RAB14: variants seen among roughly 807,000 people sequenced by gnomAD.
RAB14 encodes ras-related protein Rab-14.
In RAB14, 3 loss-of-function variants were observed where a neutral mutation model predicts 31.1. The observed-to-expected ratio is 0.10, with a 90% CI of 0.04 to 0.25. The LOEUF (loss-of-function observed/expected upper bound fraction) is 0.25, where lower values mean the gene tolerates loss of function less well. RAB14 is among the 10% of genes least tolerant of loss of function. RAB14 has a pLI of 1.00. For synonymous variants in RAB14, 85 were observed against 84.9 expected (o/e 1.00, Z 0.00); for missense variants, 111 against 260.1 (o/e 0.43, Z 3.94).
At chr9:121,182,823 T>C in intron 7 of RAB14, 107 bp downstream of exon 7, 3 of 746,100 alleles carry the variant, frequency 4.0e-6, no homozygotes, top group Non-Finnish European at 6.0e-6. Flanking sequence ...TACACATTTA[T>C]AGATAGTACT....
At chr9:121,193,050 C>T (rs1258072626) in intron 2 of RAB14, among the ~76,000 whole-genome samples, 2 of 152,104 alleles carry the variant, frequency 1.3e-5, no homozygotes, top group African/African-American at 2.4e-5. Context: ...AGAGCTTTCA[C>T]AGTATTTTAG....
intron 3 of RAB14, among the ~76,000 whole-genome samples, chr9:121,191,685 C>T (rs910506887): frequency 1.3e-5 from 2 of 152,104 alleles, no homozygotes; most frequent in Non-Finnish European, 2.9e-5. Context: ...GTAAGCAGCA[C>T]AAAAATGTCA....
Position 121,181,327 on chromosome 9 carries a change from G to C in RAB14, c.*69C>G. 1 of 1,383,094 alleles carries C rather than the reference G, an allele frequency of 7.2e-7. No homozygotes were observed. Among genetic ancestry groups the C allele is most frequent in the South Asian group, 1.6e-5 (1 of 60,934 alleles). 85.7% of individuals were successfully genotyped at this position (1,383,094 alleles called of 1,614,324 possible). A position where few individuals can be genotyped will look rare whatever the true frequency, so the allele number is the denominator to read the frequency against. ...AGTAAGATGTACAGAAGACAATGAG[G>C]CAGTAAAAAGTACTGCTTCCAACAG... On this transcript the variant is annotated 3_prime_UTR_variant, in exon 8 of 8. Coordinates refer to ENST00000373840, the MANE Select transcript of RAB14 (RefSeq NM_016322.4).
intron 1 of RAB14, among the ~76,000 whole-genome samples, chr9:121,198,694 A>G: frequency 6.6e-6 from 1 of 152,180 alleles, no homozygotes; most frequent in East Asian, 1.9e-4. Context: ...AGTATCTACT[A>G]AGCACAAAGC....
rs1235502018 is a variant in RAB14 at position 121,201,858 on chromosome 9, C to G, written c.-227G>C. 1 of 152,446 alleles carries G rather than the reference C, an allele frequency of 6.6e-6. No individual in the cohort carries two copies. The highest frequency in any genetic ancestry group is 1.5e-5 in the Non-Finnish European group (1 of 68,242). The allele number at this position is 152,446 out of a possible 1,614,324, so 9.4% of individuals were successfully genotyped here. A position where few individuals can be genotyped will look rare whatever the true frequency, so the allele number is the denominator to read the frequency against. On this transcript the variant is annotated 5_prime_UTR_variant, in exon 1 of 8. Transcript: ENST00000373840. ...GTGCTCCCTCAGTATCTTCCTCGGG[C>G]TGGTCCAAGATGGCGGCGCTCCCTG...
chr9:121,201,294 G>A (rs1332581389), intron 1 of RAB14, among the ~76,000 whole-genome samples: 2 of 152,134 alleles, frequency 1.3e-5, no homozygotes, highest in African/African-American at 4.8e-5. Context: ...GCGAGAGGGG[G>A]GCCCGCGGGA....
Position 121,181,279 on chromosome 9 carries a change from T to C in RAB14, c.*117A>G. ...TTAAACTGTTTTTACAACAGAGTTT[T>C]TTCTTTTTTTTTAATTAAACCCAGT... On this transcript the variant is annotated 3_prime_UTR_variant, in exon 8 of 8. Transcript: ENST00000373840. 1 of 1,128,092 alleles carries C rather than the reference T, an allele frequency of 8.9e-7. No individual in the cohort carries two copies. Among genetic ancestry groups the C allele is most frequent in the South Asian group, 2.6e-5 (1 of 38,514 alleles). 69.9% of individuals were successfully genotyped at this position (1,128,092 alleles called of 1,614,324 possible).
chr9:121,200,849 T>C (rs2053763485), intron 1 of RAB14, among the ~76,000 whole-genome samples: 1 of 152,164 alleles, frequency 6.6e-6, no homozygotes, highest in Non-Finnish European at 1.5e-5. Context: ...GCAAGATAAA[T>C]AGGTACAAAA....
In RAB14 at chr9:121,178,699, T is replaced by A. The variant is rs1010941799; in HGVS notation, c.*2697A>T. On this transcript the variant is annotated 3_prime_UTR_variant, in exon 8 of 8. Transcript: ENST00000373840. ...GTGTAAACCACCAACCAAAAAAAAA[T>A]AATAAGTTACTCCATCAAACACGTT... The A allele has an allele frequency of 6.6e-6, 1 of 150,916 alleles. No homozygotes were observed. Among genetic ancestry groups the A allele is most frequent in the African/African-American group, 2.5e-5 (1 of 40,404 alleles). 9.3% of individuals were successfully genotyped at this position (150,916 alleles called of 1,614,324 possible).
intron 5 of RAB14, among the ~76,000 whole-genome samples, chr9:121,184,406 G>A (rs946234702): frequency 6.6e-6 from 1 of 152,130 alleles, no homozygotes; most frequent in African/African-American, 2.4e-5. Context: ...AAACAGCAAA[G>A]GGCTTTGGCC....
intron 1 of RAB14, among the ~76,000 whole-genome samples, chr9:121,195,534 A>G (rs189902927): frequency 2.8e-3 from 427 of 152,272 alleles, no homozygotes; most frequent in Non-Finnish European, 5.1e-3. Flanking sequence ...GTACCTGCTA[A>G]TTATCATACA....
chr9:121,183,311 C>T lies in RAB14; in HGVS notation c.439G>A (p.Gly147Ser). The T allele has an allele frequency of 6.2e-7, 1 of 1,601,584 alleles. No individual in the cohort carries two copies. The highest frequency in any genetic ancestry group is 8.5e-7 in the Non-Finnish European group (1 of 1,169,986). ...ACCATTAAGTCTTAAAGAAACTCAC[C>T]ATTTTCTTCAGCAAACTGTTTGGCT... is the stretch of plus-strand genomic sequence containing the variant. ...EEAKQFAEENGLLFLEASAKT... is the reference protein window; with the variant it reads ...EEAKQFAEENSLLFLEASAKT... Residue 147 changes from glycine to serine, a missense_variant and splice_region_variant, in exon 6 of 8, where the codon GGC (glycine) becomes AGC (serine). Gly to Ser is a moderately conservative substitution (Grantham distance 56). Coordinates refer to ENST00000373840, the MANE Select transcript of RAB14 (RefSeq NM_016322.4).
At chr9:121,197,120 A>G (rs1232322279) in intron 1 of RAB14, among the ~76,000 whole-genome samples, 1 of 152,230 alleles carries the variant, frequency 6.6e-6, no homozygotes, top group Non-Finnish European at 1.5e-5. Context: ...TAAAATAAAA[A>G]TCAGAGAAAG....
intron 1 of RAB14, among the ~76,000 whole-genome samples, chr9:121,198,601 T>C (rs2053731810): frequency 6.6e-6 from 1 of 152,230 alleles, no homozygotes; most frequent in South Asian, 2.1e-4. Flanking sequence ...TTTTGTTTGT[T>C]TTTTAACATG....
chr9:121,200,579 G>A (rs1302221552), intron 1 of RAB14, among the ~76,000 whole-genome samples: 1 of 152,150 alleles, frequency 6.6e-6, no homozygotes, highest in African/African-American at 2.4e-5. Flanking sequence ...TTGACTTTAT[G>A]GACTTTAGGT....
intron 1 of RAB14, among the ~76,000 whole-genome samples, chr9:121,197,541 ATTG>A (rs977892955): frequency 2.6e-5 from 4 of 152,174 alleles, no homozygotes; most frequent in Admixed American, 6.5e-5. Context: ...AACACTAATT[ATTG>A]TTGTGACAAA....
At chr9:121,185,197 C>T (rs986686254) in intron 5 of RAB14, among the ~76,000 whole-genome samples, 4 of 152,134 alleles carry the variant, frequency 2.6e-5, no homozygotes, top group African/African-American at 2.4e-5. Flanking sequence ...TACTCCTCCA[C>T]GGGCCCTCTA....
At chr9:121,190,508 A>C (rs1329615914) in intron 4 of RAB14, 46 bp downstream of exon 4, 1 of 1,507,122 alleles carries the variant, frequency 6.6e-7, no homozygotes, top group African/African-American at 1.4e-5. Context: ...AAATGCCCAA[A>C]GTAGATTTAT....
chr9:121,189,554 A>G (rs1333916616), intron 4 of RAB14, among the ~76,000 whole-genome samples: 1 of 152,140 alleles, frequency 6.6e-6, no homozygotes, highest in African/African-American at 2.4e-5. Flanking sequence ...CACTATAATT[A>G]TAATTAGTCA....
Sources: gnomAD v4.1 joint callset for allele counts (sites outside exome capture counted in the v4.1 genomes callset) on GRCh38, gnomAD v4.1.1 for gene constraint, MANE v1.5 for transcripts, NCBI Gene and HGNC (gene_info 2026-07-23, HGNC 2026-07-21) for gene names.